The following RGS6 variants were observed in gnomAD, a reference collection of about 807,000 sequenced individuals.
RGS6 encodes regulator of G protein signaling 6.
RGS6 carries 30 observed loss-of-function variants against 78.5 expected under a neutral mutation model. The ratio of observed to expected loss-of-function variants is 0.38; its 90% CI spans 0.29 to 0.52. RGS6 has a LOEUF of 0.52. Ranked by LOEUF, RGS6 falls within the 20% of genes least tolerant of loss-of-function variation. The pLI is 0.85. For missense variants in RGS6, 495 were observed against 609.7 expected (o/e 0.81, Z 1.98); for synonymous variants, 206 against 206.0 (o/e 1.00, Z 0.00).
chr14:71,902,465 T>A, the RGS6 span, among the ~76,000 whole-genome samples: 2 of 152,176 alleles, frequency 1.3e-5, no homozygotes, highest in Admixed American at 6.5e-5. Flanking sequence ...TGAGTGTCTC[T>A]TGGGACATTT....
the RGS6 span, among the ~76,000 whole-genome samples, chr14:71,886,891 C>A: frequency 6.6e-6 from 1 of 152,190 alleles, no homozygotes; most frequent in African/African-American, 2.4e-5. Flanking sequence ...TTGGCTCACG[C>A]CTGTAATCCC....
chr14:72,495,346 A>G (rs888733381), intron 13 of RGS6, 84 bp downstream of exon 13: 2 of 930,264 alleles, frequency 2.1e-6, no homozygotes, highest in Non-Finnish European at 3.6e-6. Flanking sequence ...ATTCTATCTT[A>G]ATTTGACATT....
At chr14:71,945,744 G>A (rs1242296937) in intron 1 of RGS6, among the ~76,000 whole-genome samples, 1 of 152,146 alleles carries the variant, frequency 6.6e-6, no homozygotes, top group African/African-American at 2.4e-5. Flanking sequence ...GACAGGTGGA[G>A]AATGTGTTTA....
intron 2 of RGS6, among the ~76,000 whole-genome samples, chr14:72,231,852 G>T (rs1406299235): frequency 6.6e-6 from 1 of 152,086 alleles, no homozygotes; most frequent in African/African-American, 2.4e-5. Context: ...AGGGGTGGGG[G>T]ATGAACTGGG....
chr14:72,170,818 G>A (rs910365845), intron 2 of RGS6, among the ~76,000 whole-genome samples: 1 of 152,146 alleles, frequency 6.6e-6, no homozygotes, highest in Non-Finnish European at 1.5e-5. Flanking sequence ...GGTGTTAATG[G>A]GAGAGATTTA....
chr14:72,325,848 G>A (rs1451563646), intron 2 of RGS6, among the ~76,000 whole-genome samples: 1 of 151,752 alleles, frequency 6.6e-6, no homozygotes, highest in Admixed American at 6.6e-5. Flanking sequence ...AAAAAAAAAA[G>A]CCTGCCAGAT....
At chr14:72,238,154 G>C (rs907381914) in intron 2 of RGS6, among the ~76,000 whole-genome samples, 1 of 152,174 alleles carries the variant, frequency 6.6e-6, no homozygotes, top group South Asian at 2.1e-4. Flanking sequence ...CTCCAAAGTT[G>C]TTCTCTTTGA....
chr14:72,492,562 A>C (rs2096592071), intron 12 of RGS6, among the ~76,000 whole-genome samples: 1 of 152,168 alleles, frequency 6.6e-6, no homozygotes. Context: ...GTCGGGGGAG[A>C]AAAAGGGATG....
chr14:72,544,528 C>A (rs1226030897), intron 17 of RGS6, among the ~76,000 whole-genome samples: 1 of 152,180 alleles, frequency 6.6e-6, no homozygotes, highest in Non-Finnish European at 1.5e-5. Context: ...GAGGACCAGG[C>A]GTTCATCCAC....
chr14:72,629,929 CAG>C, the RGS6 span, among the ~76,000 whole-genome samples: 3 of 152,156 alleles, frequency 2.0e-5, no homozygotes, highest in Non-Finnish European at 2.9e-5. Flanking sequence ...AAGGGCAAAA[CAG>C]AGATATAAGC....
intron 2 of RGS6, among the ~76,000 whole-genome samples, chr14:72,178,960 C>T (rs139194567): frequency 1.0e-3 from 155 of 152,292 alleles, no homozygotes; most frequent in African/African-American, 1.8e-3. Flanking sequence ...TCCTTACTGA[C>T]GGTTTCTAGA....
intron 2 of RGS6, among the ~76,000 whole-genome samples, chr14:72,035,518 G>A (rs545887446): frequency 1.3e-5 from 2 of 151,716 alleles, no homozygotes; most frequent in East Asian, 3.9e-4. Context: ...GCAACTTTGG[G>A]TTTAGTTTGT....
chr14:72,200,769 T>C (rs905766380), intron 2 of RGS6, among the ~76,000 whole-genome samples: 4 of 151,890 alleles, frequency 2.6e-5, no homozygotes, highest in African/African-American at 7.2e-5. Flanking sequence ...TTCAATGTGG[T>C]CGACTTATTT....
intron 2 of RGS6, among the ~76,000 whole-genome samples, chr14:72,225,530 T>C (rs1347648312): frequency 6.6e-6 from 1 of 152,108 alleles, no homozygotes; most frequent in African/African-American, 2.4e-5. Flanking sequence ...GTTTTCATCA[T>C]GTTGCCCAGG....
intron 2 of RGS6, among the ~76,000 whole-genome samples, chr14:72,023,014 A>T (rs56098489): frequency 0.042 from 6,412 of 152,200 alleles, 184 homozygotes; most frequent in African/African-American, 0.072. Context: ...GTGTTCATCT[A>T]TACTTCCAAA....
At chr14:72,177,448 A>G (rs1048354807) in intron 2 of RGS6, among the ~76,000 whole-genome samples, 1 of 152,160 alleles carries the variant, frequency 6.6e-6, no homozygotes, top group African/African-American at 2.4e-5. Context: ...ATCCCAGGGG[A>G]AGCATGGCAC....
chr14:72,304,518 T>C (rs1048412428), intron 2 of RGS6, among the ~76,000 whole-genome samples: 3 of 152,212 alleles, frequency 2.0e-5, no homozygotes, highest in African/African-American at 7.2e-5. Flanking sequence ...TCTGAAGTCA[T>C]CTTGCATCTG....
intron 17 of RGS6, among the ~76,000 whole-genome samples, chr14:72,560,402 C>G (rs374012738): frequency 6.6e-6 from 1 of 152,136 alleles, no homozygotes; most frequent in African/African-American, 2.4e-5. Context: ...TCAGCAGCCC[C>G]GTGTTTCCCC....
intron 17 of RGS6, among the ~76,000 whole-genome samples, chr14:72,552,956 C>G (rs1159024177): frequency 6.6e-6 from 1 of 152,190 alleles, no homozygotes; most frequent in African/African-American, 2.4e-5. Context: ...ACTCTACAGC[C>G]AAACAAGCGA....
Sources: allele counts gnomAD v4.1 joint callset (sites outside exome capture counted in the v4.1 genomes callset), GRCh38; gene constraint gnomAD v4.1.1; transcripts MANE v1.5; gene names NCBI Gene and HGNC (gene_info 2026-07-23, HGNC 2026-07-21).